Variants in ICAM1 observed in about 807,000 individuals in gnomAD.
The protein encoded by ICAM1 is intercellular adhesion molecule 1, also known as ICAM-1.
In ICAM1, 28 loss-of-function variants were observed where a neutral mutation model predicts 42.3. The ratio of observed to expected loss-of-function variants is 0.66; its 90% CI spans 0.49 to 0.91. The LOEUF is 0.91. Ranked by LOEUF, ICAM1 falls within the 40% of genes least tolerant of loss-of-function variation. The pLI, the probability that ICAM1 is intolerant of heterozygous loss-of-function variation, is 0.00. For synonymous variants in ICAM1, 304 were observed against 305.9 expected, an observed-to-expected ratio of 0.99 and a Z score of 0.07; for missense variants, 637 against 688.6, an observed-to-expected ratio of 0.93 and a Z score of 0.84.
intron 1 of ICAM1, among the ~76,000 whole-genome samples, chr19:10,272,711 A>T (rs948002498): frequency 4.0e-5 from 6 of 151,806 alleles, no homozygotes; most frequent in Non-Finnish European, 1.5e-5. Flanking sequence ...GACTACAGGC[A>T]TGTGCCATCA....
intron 2 of ICAM1, 130 bp downstream of exon 2, chr19:10,275,158 G>A: frequency 1.1e-6 from 1 of 889,042 alleles, no homozygotes; most frequent in Non-Finnish European, 1.7e-6. Flanking sequence ...TTGCAGGGCA[G>A]GTGGGGACAT....
At chr19:10,271,389 T>C (rs1178951265) in intron 1 of ICAM1, among the ~76,000 whole-genome samples, 163 bp downstream of exon 1, 1 of 152,066 alleles carries the variant, frequency 6.6e-6, no homozygotes, top group Non-Finnish European at 1.5e-5. Context: ...AGACCCTGCA[T>C]ACCTCCACGT....
Position 10,284,050 on chromosome 19 carries a change from C to A in ICAM1, c.655C>A (p.Pro219Thr), listed in dbSNP as rs1446643875. The A allele has an allele frequency of 6.2e-7, 1 of 1,613,676 alleles. No individual in the cohort carries two copies. The highest frequency in any genetic ancestry group is 1.1e-5 in the South Asian group (1 of 91,070). ...LQTFVLPATP[P>T]QLVSPRVLEV... ...CTCCCTAGTCCTGCCAGCGACTCCC[C>A]CACAACTTGTCAGCCCCCGGGTCCT... is the stretch of plus-strand genomic sequence containing the variant. Residue 219 changes from proline (P) to threonine (T), a missense_variant, in exon 4 of 7, where the codon CCA (proline) becomes ACA (threonine). By Grantham distance (38) the Pro-to-Thr change is conservative. Coordinates refer to ENST00000264832, the MANE Select transcript of ICAM1 (RefSeq NM_000201.3). This position sits in a 1 kb window ranked among gnomAD's most constrained non-coding sequence, Gnocchi z 5.4.
chr19:10,280,963 T>C (rs553730333), intron 2 of ICAM1, among the ~76,000 whole-genome samples: 2 of 134,366 alleles, frequency 1.5e-5, no homozygotes, highest in South Asian at 5.2e-4. Context: ...AAGCTCCGCC[T>C]CCCGGGTTCA....
chr19:10,282,071 C>CTTTTTT (rs35660845), intron 2 of ICAM1, among the ~76,000 whole-genome samples: 2 of 144,722 alleles, frequency 1.4e-5, no homozygotes, highest in Non-Finnish European at 3.0e-5. Flanking sequence ...TCATTACTGA[C>CTTTTTT]TTTTTTTTTT....
intron 2 of ICAM1, among the ~76,000 whole-genome samples, chr19:10,281,085 G>A (rs2040053654): frequency 6.6e-6 from 1 of 151,094 alleles, no homozygotes; most frequent in Non-Finnish European, 1.5e-5. Context: ...GTGTTAGCCA[G>A]GATGGTCTTG....
chr19:10,273,457 A>C (rs931078077), intron 1 of ICAM1, among the ~76,000 whole-genome samples: 34 of 150,946 alleles, frequency 2.3e-4, no homozygotes, highest in African/African-American at 8.0e-4. Flanking sequence ...GTGCCATTGC[A>C]CTCCAGCCTG....
chr19:10,285,982 A>G lies in ICAM1; in HGVS notation c.*695A>G, dbSNP rs370921661. ...TGGGGCTGGGACTTCTCATTGGCCA[A>G]CCTGCCTTTCCCCAGAAGGAGTGAT... is the stretch of plus-strand genomic sequence containing the variant. On this transcript the variant is annotated 3_prime_UTR_variant, in exon 7 of 7. Coordinates refer to ENST00000264832, the MANE Select transcript of ICAM1 (RefSeq NM_000201.3). 4 of 152,480 alleles carry G rather than the reference A, an allele frequency of 2.6e-5. No individual in the cohort carries two copies. The highest frequency in any genetic ancestry group is 5.9e-5 in the Non-Finnish European group (4 of 68,172). 9.4% of individuals were successfully genotyped at this position (152,480 alleles called of 1,614,324 possible). A position where few individuals can be genotyped will look rare whatever the true frequency, so the allele number is the denominator to read the frequency against.
chr19:10,273,250 T>C (rs1176988889), intron 1 of ICAM1, among the ~76,000 whole-genome samples: 2 of 152,032 alleles, frequency 1.3e-5, no homozygotes, highest in Non-Finnish European at 2.9e-5. Flanking sequence ...CCCAGCACTT[T>C]GGGAGGCTGA....
rs2040079629 is a variant in ICAM1 at position 10,283,740 on chromosome 19, G to A, written c.591G>A (p.Leu197=). The part of the protein sequence containing the change: ...RTELDLRPQG[L]ELFENTSAPY... ...AACTGGACCTGCGGCCCCAAGGGCT[G>A]GAGCTGTTTGAGAACACCTCGGCCC... The change falls in exon 3 of 7, where the codon CTG becomes CTA. Residue 197 remains leucine (L), a synonymous_variant. Transcript: ENST00000264832. The A allele has an allele frequency of 6.2e-7, 1 of 1,613,024 alleles. No homozygotes were observed. The highest frequency in any genetic ancestry group is 1.1e-5 in the South Asian group (1 of 90,926).
intron 2 of ICAM1, among the ~76,000 whole-genome samples, chr19:10,281,114 C>T (rs1427191171): frequency 6.6e-6 from 1 of 151,804 alleles, no homozygotes; most frequent in African/African-American, 2.4e-5. Context: ...ACCTCGTGAT[C>T]CGCCCGCCTT....
chr19:10,285,065 G>T, intron 6 of ICAM1, 37 bp downstream of exon 6: 1 of 1,613,600 alleles, frequency 6.2e-7, no homozygotes, highest in South Asian at 1.1e-5. Context: ...GTGGGGGCAG[G>T]GGCCATGGAC....
In ICAM1 at chr19:10,284,110, C is replaced by T; in HGVS notation, c.715C>T (p.Leu239=). Residue 239 remains leucine, a synonymous_variant, in exon 4 of 7, where the codon CTG becomes TTG. Transcript: ENST00000264832. The surrounding 1 kb of genome is among the most constrained non-coding windows in gnomAD (Gnocchi z 5.4). ...VDTQGTVVCS[L]DGLFPVSEAQ... is the part of the protein sequence containing the mutation. ...CACGCAGGGGACCGTGGTCTGTTCC[C>T]TGGACGGGCTGTTCCCAGTCTCGGA... The T allele has an allele frequency of 6.2e-7, 1 of 1,614,100 alleles. No homozygotes were observed. The highest frequency in any genetic ancestry group is 8.5e-7 in the Non-Finnish European group (1 of 1,179,992).
At chr19:10,281,681 A>G (rs2040059990) in intron 2 of ICAM1, among the ~76,000 whole-genome samples, 1 of 151,404 alleles carries the variant, frequency 6.6e-6, no homozygotes, top group Non-Finnish European at 1.5e-5. Flanking sequence ...GCAAAGAAGC[A>G]AGGCTGGGTA....
At position 10,271,157 on chromosome 19, in the gene ICAM1, G is replaced by C; in HGVS notation, c.-3G>C. On this transcript the variant is annotated 5_prime_UTR_variant, in exon 1 of 7. Transcript: ENST00000264832. ...TACTCAGAGTTGCAACCTCAGCCTC[G>C]CTATGGCTCCCAGCAGCCCCCGGCC... 1 of 1,612,632 alleles carries C rather than the reference G, an allele frequency of 6.2e-7. No individual in the cohort carries two copies.
At chr19:10,278,582 A>G (rs1313539072) in intron 2 of ICAM1, among the ~76,000 whole-genome samples, 1 of 32,732 alleles carries the variant, frequency 3.1e-5, no homozygotes, top group Admixed American at 3.4e-4. Flanking sequence ...CTTTTTTTTG[A>G]CACACAGTCT....
rs1475063330 is a variant in ICAM1, at chr19:10,285,725, C to G, written c.*438C>G. 1.2e-5 allele frequency: 2 copies of G among 169,924 alleles called. No individual in the cohort carries two copies. Among genetic ancestry groups the G allele is most frequent in the Admixed American group, 1.1e-4 (2 of 17,850 alleles). 10.5% of individuals were successfully genotyped at this position (169,924 alleles called of 1,614,324 possible). ...TGTAGCATCAAAACACAAAGGCCCA[C>G]ACTTCCTGACGGATGCCAGCTTGGG... On this transcript the variant is annotated 3_prime_UTR_variant, in exon 7 of 7. Transcript: ENST00000264832.
Position 10,284,796 on chromosome 19 carries a change from G to A in ICAM1, c.1194G>A (p.Leu398=). The change falls in exon 6 of 7, where the codon CTG becomes CTA. Residue 398 remains leucine (L), a synonymous_variant. Transcript: ENST00000264832. The surrounding 1 kb of genome is among the most constrained non-coding windows in gnomAD (Gnocchi z 5.4). ...GTGTTTTTCCAGATGGCCCCCGACT[G>A]GACGAGAGGGATTGTCCGGGAAACT... ...RELRVLYGPR[L]DERDCPGNWT... is the part of the protein sequence containing the mutation. The A allele has an allele frequency of 6.2e-7, 1 of 1,605,086 alleles. No individual in the cohort carries two copies.
At chr19:10,274,001 G>A (rs571626694) in intron 1 of ICAM1, among the ~76,000 whole-genome samples, 4 of 150,210 alleles carry the variant, frequency 2.7e-5, no homozygotes, top group South Asian at 2.1e-4. Flanking sequence ...GTGACAAAGC[G>A]AGACTCCATC....
Sources: gnomAD v4.1 joint callset for allele counts (sites outside exome capture counted in the v4.1 genomes callset) on GRCh38, gnomAD v4.1.1 for gene constraint, Gnocchi (gnomAD v3.1) non-coding constraint, MANE v1.5 for transcripts, NCBI Gene and HGNC (gene_info 2026-07-23, HGNC 2026-07-21) for gene names.